PMM2: variants seen among roughly 807,000 people sequenced by gnomAD.
PMM2 encodes mannose-6-phosphate isomerase.
Under a neutral mutation model 33.2 loss-of-function variants are expected in PMM2, and 35 were observed. The observed-to-expected ratio is 1.06, with a 90% CI of 0.81 to 1.40. The LOEUF (loss-of-function observed/expected upper bound fraction) is 1.40. Ranked by LOEUF, PMM2 falls within the 40% of genes most tolerant of loss-of-function variation. The probability of loss-of-function intolerance (pLI) is 0.00; values close to 1 mark genes in which losing one functional copy is unlikely to be tolerated. For missense variants in PMM2, 386 were observed against 306.0 expected (o/e 1.26, Z -1.95); for synonymous variants, 153 against 114.7 (o/e 1.33, Z -2.13).
At chr16:8,829,784 G>A (rs923193364) in intron 7 of PMM2, among the ~76,000 whole-genome samples, 15 of 152,242 alleles carry the variant, frequency 9.9e-5, no homozygotes, top group Admixed American at 6.5e-5. Context: ...AACTAGGAGA[G>A]CCTGATGGAC....
chr16:8,813,307 G>A (rs2060688566), intron 7 of PMM2, among the ~76,000 whole-genome samples: 1 of 152,320 alleles, frequency 6.6e-6, no homozygotes, highest in East Asian at 1.9e-4. Flanking sequence ...GTGGAGGCAA[G>A]GATCACACTG....
At position 8,847,737 on chromosome 16, in the gene PMM2, A is replaced by G. The variant is rs80338705; in HGVS notation, c.653A>G (p.His218Arg). 16 of 1,613,392 alleles carry G rather than the reference A, an allele frequency of 9.9e-6. No homozygotes were observed. The highest frequency in any genetic ancestry group is 1.3e-5 in the Non-Finnish European group (15 of 1,179,546). Residue 218 changes from histidine to arginine, a missense_variant, in exon 8 of 8, where the codon CAT becomes CGT. Coordinates refer to ENST00000268261, the MANE Select transcript of PMM2 (RefSeq NM_000303.3). The stretch of plus-strand genomic sequence containing the variant: ...GTGTCTTTCCAGGGTGGCAATGACC[A>G]TGAGATCTTCACAGACCCCAGAACC... The part of the protein sequence containing the change: ...GDKTMPGGND[H>R]EIFTDPRTMG...
chr16:8,832,544 C>G, intron 7 of PMM2: 4 of 985,452 alleles, frequency 4.1e-6, no homozygotes, highest in Non-Finnish European at 4.8e-6. Flanking sequence ...GGCCTAGCAA[C>G]TGTCAGGGGA....
chr16:8,835,480 G>A (rs908338723), intron 7 of PMM2, among the ~76,000 whole-genome samples: 3 of 152,010 alleles, frequency 2.0e-5, no homozygotes, highest in African/African-American at 7.2e-5. Context: ...CTGGGATGAA[G>A]GGTGCAAAGG....
At chr16:8,821,286 C>T (rs758393802) in intron 7 of PMM2, among the ~76,000 whole-genome samples, 1 of 152,114 alleles carries the variant, frequency 6.6e-6, no homozygotes, top group Non-Finnish European at 1.5e-5. Flanking sequence ...ATGTCCCACC[C>T]GCTCCTGTGT....
chr16:8,811,120 C>G lies in PMM2; in HGVS notation c.389C>G (p.Ser130Cys), dbSNP rs886044305. The G allele has an allele frequency of 3.2e-6, 5 of 1,577,650 alleles. No homozygotes were observed. Among genetic ancestry groups the G allele is most frequent in the South Asian group, 1.1e-5 (1 of 87,124 alleles). Residue 130 changes from serine to cysteine, a missense_variant, in exon 5 of 8, where the codon TCC becomes TGC. Ser to Cys is a moderately radical substitution (Grantham distance 112, BLOSUM62 -1). Transcript: ENST00000268261. ...IEFRNGMLNV[S>C]PIGRSCSQEE... Reference sequence around the variant, plus strand: ...TTCCGAAATGGGATGTTAAACGTGTCCCCTATTGGAAGAAGCTGCAGCCAA... The same window carrying G: ...TTCCGAAATGGGATGTTAAACGTGTGCCCTATTGGAAGAAGCTGCAGCCAA...
At chr16:8,847,617 G>C in intron 7 of PMM2, 107 bp from the exon 8 acceptor site, 1 of 794,338 alleles carries the variant, frequency 1.3e-6, no homozygotes. Flanking sequence ...AACTCTCCCT[G>C]CCCAGTTAAA....
chr16:8,799,010 A>C (rs2060595742), intron 1 of PMM2, among the ~76,000 whole-genome samples: 1 of 152,212 alleles, frequency 6.6e-6, no homozygotes, highest in South Asian at 2.1e-4. Flanking sequence ...TTCAGTGATC[A>C]CACACTTGGG....
intron 7 of PMM2, among the ~76,000 whole-genome samples, chr16:8,830,280 A>C (rs372453560): frequency 6.6e-6 from 1 of 152,098 alleles, no homozygotes; most frequent in Non-Finnish European, 1.5e-5. Flanking sequence ...TGAGCCCCCA[A>C]ATTTGTAACC....
chr16:8,798,161 G>A (rs939767485), intron 1 of PMM2, among the ~76,000 whole-genome samples: 1 of 152,246 alleles, frequency 6.6e-6, no homozygotes, highest in Admixed American at 6.5e-5. Context: ...ATGAGACGGG[G>A]CTGAAGAACT....
At chr16:8,835,631 G>C (rs941315027) in intron 7 of PMM2, among the ~76,000 whole-genome samples, 2 of 152,082 alleles carry the variant, frequency 1.3e-5, no homozygotes, top group Admixed American at 1.3e-4. Flanking sequence ...AGATTCTGAA[G>C]TAACCTGTAA....
intron 5 of PMM2, 93 bp downstream of exon 5, chr16:8,811,271 TTTG>T: frequency 1.1e-6 from 1 of 877,920 alleles, no homozygotes. Flanking sequence ...ATCCCAACAC[TTTG>T]GGAGGCCAAG....
At chr16:8,844,055 T>C (rs962306783) in intron 7 of PMM2, among the ~76,000 whole-genome samples, 1 of 152,182 alleles carries the variant, frequency 6.6e-6, no homozygotes, top group Admixed American at 6.5e-5. Context: ...CTCAGACTGT[T>C]TGCCCATTTT....
At chr16:8,843,959 A>T (rs568870933) in intron 7 of PMM2, among the ~76,000 whole-genome samples, 1 of 152,056 alleles carries the variant, frequency 6.6e-6, no homozygotes, top group African/African-American at 2.4e-5. Flanking sequence ...GGCGGGAGGG[A>T]AAGAAGGAAG....
chr16:8,821,818 A>C (rs1197482318), intron 7 of PMM2, among the ~76,000 whole-genome samples: 4 of 152,232 alleles, frequency 2.6e-5, no homozygotes, highest in Non-Finnish European at 5.9e-5. Context: ...ATCACTTTCA[A>C]AACATCATGA....
chr16:8,830,010 C>T (rs868176562), intron 7 of PMM2, among the ~76,000 whole-genome samples: 1 of 152,210 alleles, frequency 6.6e-6, no homozygotes, highest in Non-Finnish European at 1.5e-5. Flanking sequence ...GGGCTACAGG[C>T]AGACACCCAA....
intron 7 of PMM2, among the ~76,000 whole-genome samples, chr16:8,837,726 C>T (rs370162920): frequency 1.1e-3 from 164 of 152,132 alleles, no homozygotes; most frequent in African/African-American, 3.6e-3. Context: ...GTGTACTTGC[C>T]TCTCCGCCAG....
intron 4 of PMM2, 177 bp from the exon 5 acceptor site, chr16:8,810,902 T>C: frequency 1.6e-6 from 1 of 631,264 alleles, no homozygotes; most frequent in Non-Finnish European, 2.8e-6. Flanking sequence ...TAGCCACATT[T>C]CAAGTCTTAA....
intron 3 of PMM2, among the ~76,000 whole-genome samples, chr16:8,805,581 T>A (rs1053047681): frequency 6.6e-6 from 1 of 150,794 alleles, no homozygotes; most frequent in African/African-American, 2.5e-5. Flanking sequence ...TGCTTCACTA[T>A]AAGCATTTTT....
Sources: gnomAD v4.1 joint callset for allele counts (sites outside exome capture counted in the v4.1 genomes callset) on GRCh38, gnomAD v4.1.1 for gene constraint, MANE v1.5 for transcripts, NCBI Gene and HGNC (gene_info 2026-07-23, HGNC 2026-07-21) for gene names.